The following MALT1 variants were observed in gnomAD, a reference collection of about 807,000 sequenced individuals.
MALT1 encodes the protein MALT1 paracaspase.
A neutral mutation model predicts 85.5 loss-of-function variants in MALT1; 36 were observed. The observed-to-expected ratio is 0.42, with a 90% CI of 0.32 to 0.56. MALT1 has a LOEUF of 0.56. Ranked by LOEUF, MALT1 falls within the 20% of genes least tolerant of loss-of-function variation. The pLI is 0.10. For synonymous variants in MALT1, 359 were observed against 361.3 expected (o/e 0.99, Z 0.07); for missense variants, 716 against 981.6 (o/e 0.73, Z 3.62).
chr18:58,736,548 C>T (rs142993040), intron 13 of MALT1, among the ~76,000 whole-genome samples: 53 of 152,184 alleles, frequency 3.5e-4, no homozygotes, highest in Non-Finnish European at 6.5e-4. Context: ...ATTTCAATTT[C>T]GTTTTTAAGT....
rs566910582 is a variant in MALT1 at position 58,696,460 on chromosome 18, A to G, written c.471A>G (p.Gln157=). The G allele has an allele frequency of 5.0e-6, 8 of 1,592,034 alleles. No homozygotes were observed. The East Asian group carries it at 1.6e-4, about 32-fold the overall frequency. ...CCRATGHPFV[Q]YQWFKMNKEI... ...GGGCAACTGGACATCCTTTTGTTCA[A>G]TATCAGTGGTTCAAAATGAATAAAG... Residue 157 remains glutamine (Q), a synonymous_variant, in exon 3 of 17, where the codon CAA becomes CAG. Transcript: ENST00000649217.
intron 1 of MALT1, among the ~76,000 whole-genome samples, chr18:58,673,666 A>G (rs533675917): frequency 6.6e-6 from 1 of 152,292 alleles, no homozygotes; most frequent in Non-Finnish European, 1.5e-5. Context: ...TGTGTTAGCC[A>G]GGCTGGTCTT....
chr18:58,710,151 G>A, intron 6 of MALT1, 79 bp downstream of exon 6: 1 of 805,670 alleles, frequency 1.2e-6, no homozygotes, highest in Non-Finnish European at 2.1e-6. Flanking sequence ...ATTAAGCAAA[G>A]GAAATTATAC....
chr18:58,686,325 C>T (rs945145598), intron 2 of MALT1, among the ~76,000 whole-genome samples: 1 of 152,196 alleles, frequency 6.6e-6, no homozygotes, highest in Non-Finnish European at 1.5e-5. Flanking sequence ...CCACACACAG[C>T]CTATTTGTTT....
intron 15 of MALT1, among the ~76,000 whole-genome samples, chr18:58,745,028 T>G (rs1416381217): frequency 6.6e-6 from 1 of 152,114 alleles, no homozygotes; most frequent in Non-Finnish European, 1.5e-5. Flanking sequence ...AAATATCACT[T>G]TGATTACTGA....
In MALT1 at chr18:58,709,339, T is replaced by C. The variant is rs766436198; in HGVS notation, c.650-39T>C. 8 of 1,374,558 alleles carry C rather than the reference T, an allele frequency of 5.8e-6. No individual in the cohort carries two copies. The African/African-American group carries it at 1.2e-4, about 20-fold the overall frequency. 85.1% of individuals were successfully genotyped at this position (1,374,558 alleles called of 1,614,324 possible). ...TAATTATAGGGAAATTTTATTTTTATTTTTAACCTAGAGATTTTATTTTTT... is the reference window on the plus strand; with the variant it reads ...TAATTATAGGGAAATTTTATTTTTACTTTTAACCTAGAGATTTTATTTTTT... On this transcript the variant is annotated intron_variant, in intron 4 of 16. Coordinates refer to ENST00000649217, the MANE Select transcript of MALT1 (RefSeq NM_006785.4).
chr18:58,680,929 C>CAA (rs1165265799), intron 1 of MALT1, among the ~76,000 whole-genome samples: 22 of 67,218 alleles, frequency 3.3e-4, no homozygotes, highest in South Asian at 6.9e-4. Context: ...GACTCCGTCT[C>CAA]AAAAAAAAAA....
intron 1 of MALT1, chr18:58,675,576 G>C: frequency 6.6e-6 from 1 of 152,116 alleles, no homozygotes; most frequent in East Asian, 1.9e-4. Context: ...AATTATTATT[G>C]AAATTCATTC....
At chr18:58,731,613 A>G (rs1325367756) in intron 10 of MALT1, among the ~76,000 whole-genome samples, 1 of 152,202 alleles carries the variant, frequency 6.6e-6, no homozygotes, top group African/African-American at 2.4e-5. Context: ...GCAAATTTCT[A>G]GCCATTCCCT....
rs557998852 is a variant in MALT1 at position 58,728,050 on chromosome 18, A to G, written c.1222+4799A>G. Among the ~76,000 whole-genome samples the G allele has an allele frequency of 2.4e-3, 368 of 152,296 alleles. 2 individuals carry two copies. Among genetic ancestry groups the G allele is most frequent in the Non-Finnish European group, 4.0e-3 (273 of 68,024 alleles). ...CCACTCACTGTGCTAAGTGGAGTGC[A>G]TATTCAGTTGAGTGGAAAAGTTTTT... is the stretch of plus-strand genomic sequence containing the variant. On this transcript the variant is annotated intron_variant, in intron 10 of 16. Coordinates refer to ENST00000649217, the MANE Select transcript of MALT1 (RefSeq NM_006785.4).
chr18:58,716,274 G>A (rs1248259713), intron 9 of MALT1, among the ~76,000 whole-genome samples: 1 of 152,222 alleles, frequency 6.6e-6, no homozygotes, highest in Non-Finnish European at 1.5e-5. Flanking sequence ...GAAGTGGTTA[G>A]TGCTGTCTCT....
In MALT1 at chr18:58,750,526, T is replaced by C. The variant is rs559234923; in HGVS notation, c.*2684T>C. 1 of 152,344 alleles carries C rather than the reference T, an allele frequency of 6.6e-6. No homozygotes were observed. Among genetic ancestry groups the C allele is most frequent in the South Asian group, 2.1e-4 (1 of 4,834 alleles). The allele number at this position is 152,344 out of a possible 1,614,324, so 9.4% of individuals were successfully genotyped here. On this transcript the variant is annotated 3_prime_UTR_variant, in exon 17 of 17. Coordinates refer to ENST00000649217, the MANE Select transcript of MALT1 (RefSeq NM_006785.4). ...GCTACAATAAGACAGTGTAGGCATA[T>C]GGATAGACATATCGATCAGAGGAAT... is the stretch of plus-strand genomic sequence containing the variant.
chr18:58,737,089 C>T (rs1391624377), intron 13 of MALT1, among the ~76,000 whole-genome samples: 2 of 152,064 alleles, frequency 1.3e-5, no homozygotes, highest in African/African-American at 4.8e-5. Context: ...ACCTGTAATC[C>T]CAGCACTTTG....
intron 13 of MALT1, chr18:58,741,548 TG>T (rs2055301968): frequency 5.9e-6 from 1 of 168,142 alleles, no homozygotes; most frequent in Non-Finnish European, 1.3e-5. Context: ...TTTAAATTGA[TG>T]TGTATCCATA....
At chr18:58,730,395 G>A (rs922976983) in intron 10 of MALT1, among the ~76,000 whole-genome samples, 1 of 152,118 alleles carries the variant, frequency 6.6e-6, no homozygotes, top group Non-Finnish European at 1.5e-5. Flanking sequence ...TCATATAAAT[G>A]GAATCACCCA....
rs1227294704 is a variant in MALT1, at chr18:58,735,220, T to C, written c.1494T>C (p.Ala498=). ...FGYATCQGAE[A]FEIQHSGLAN... ...TTTTAAGGTGTCAAGGAGCAGAAGCTTTTGAAATCCAGCATTCTGGATTGG... is the reference window on the plus strand; with the variant it reads ...TTTTAAGGTGTCAAGGAGCAGAAGCCTTTGAAATCCAGCATTCTGGATTGG... Residue 498 remains alanine (A), a synonymous_variant, in exon 13 of 17, where the codon GCT becomes GCC. Transcript: ENST00000649217. The C allele has an allele frequency of 6.2e-7, 1 of 1,607,760 alleles. No homozygotes were observed.
intron 2 of MALT1, among the ~76,000 whole-genome samples, chr18:58,686,399 A>G (rs2054403828): frequency 6.6e-6 from 1 of 152,240 alleles, no homozygotes; most frequent in South Asian, 2.1e-4. Context: ...CTAGTTACAT[A>G]CATCACGAAA....
chr18:58,734,336 T>C lies in MALT1; in HGVS notation c.1430T>C (p.Leu477Ser). ...RNDYDDTIPI[L>S]DALKVTANIV... ...GACTACGATGATACCATTCCAATCTTGGATGCACTAAAAGTCACCGCCAAT... is the reference window on the plus strand; with the variant it reads ...GACTACGATGATACCATTCCAATCTCGGATGCACTAAAAGTCACCGCCAAT... The change falls in exon 12 of 17, where the codon TTG (leucine) becomes TCG (serine). Residue 477 changes from leucine to serine, a missense_variant. Around this residue, in one of 4 missense-constraint regions of MALT1, gnomAD observed 86 missense variants for 212.3 expected, o/e 0.41. Coordinates refer to ENST00000649217, the MANE Select transcript of MALT1 (RefSeq NM_006785.4). The C allele has an allele frequency of 6.2e-7, 1 of 1,613,644 alleles. No homozygotes were observed. The highest frequency in any genetic ancestry group is 8.5e-7 in the Non-Finnish European group (1 of 1,179,630).
chr18:58,707,912 ATC>A (rs1282066904), intron 4 of MALT1, among the ~76,000 whole-genome samples: 1 of 152,114 alleles, frequency 6.6e-6, no homozygotes, highest in Non-Finnish European at 1.5e-5. Context: ...AAGACTAGAA[ATC>A]TCTGTTTTAC....
Sources: allele counts gnomAD v4.1 joint callset (sites outside exome capture counted in the v4.1 genomes callset), GRCh38; gene constraint gnomAD v4.1.1; regional missense constraint gnomAD v4.1.1; transcripts MANE v1.5; gene names NCBI Gene and HGNC (gene_info 2026-07-23, HGNC 2026-07-21).